ANKFN1: variants seen among roughly 807,000 people sequenced by gnomAD.
The protein encoded by ANKFN1 is ankyrin repeat and fibronectin type-III domain-containing protein 1.
Under a neutral mutation model 108.7 loss-of-function variants are expected in ANKFN1, and 74 were observed. The ratio of observed to expected loss-of-function variants is 0.68; its 90% CI spans 0.56 to 0.83. The LOEUF is 0.83. Ranked by LOEUF, ANKFN1 falls within the 40% of genes least tolerant of loss-of-function variation. The pLI is 0.00. For missense variants in ANKFN1, 1,505 were observed against 1,382.3 expected, an observed-to-expected ratio of 1.09 and a Z score of -1.41; for synonymous variants, 547 against 516.2, an observed-to-expected ratio of 1.06 and a Z score of -0.81.
intron 3 of ANKFN1, among the ~76,000 whole-genome samples, chr17:56,309,774 A>G (rs1371021271): frequency 6.6e-6 from 1 of 152,232 alleles, no homozygotes; most frequent in Middle Eastern, 3.2e-3. Context: ...TAACAACAAT[A>G]ACTAATAATA....
chr17:56,495,285 T>C (rs147694007), intron 19 of ANKFN1, among the ~76,000 whole-genome samples: 1 of 151,880 alleles, frequency 6.6e-6, no homozygotes, highest in East Asian at 1.9e-4. Flanking sequence ...CAATTCAATA[T>C]CATCTCTCCC....
intron 4 of ANKFN1, among the ~76,000 whole-genome samples, chr17:56,121,676 T>G (rs1449298593): frequency 2.0e-5 from 3 of 152,034 alleles, no homozygotes; most frequent in Admixed American, 2.0e-4. Flanking sequence ...GGTTGGTAGG[T>G]TGGACAGTTG....
chr17:56,508,632 G>A (rs2145486803), intron 20 of ANKFN1, among the ~76,000 whole-genome samples: 1 of 152,302 alleles, frequency 6.6e-6, no homozygotes, highest in East Asian at 1.9e-4. Flanking sequence ...ACATAGAGAT[G>A]AATGAATGGA....
At chr17:56,490,461 T>C (rs2050999681) in intron 18 of ANKFN1, among the ~76,000 whole-genome samples, 2 of 152,060 alleles carry the variant, frequency 1.3e-5, no homozygotes, top group South Asian at 4.2e-4. Flanking sequence ...AAGCTTAGGG[T>C]TGATGAGGAA....
At chr17:56,416,714 C>A (rs560670852) in intron 8 of ANKFN1, among the ~76,000 whole-genome samples, 1 of 152,288 alleles carries the variant, frequency 6.6e-6, no homozygotes, top group African/African-American at 2.4e-5. Context: ...GATATATACA[C>A]AAAAGAAAGA....
Position 56,511,029 on chromosome 17 carries a change from C to T in ANKFN1, c.3201C>T (p.Ala1067=). 1 of 1,536,000 alleles carries T rather than the reference C, an allele frequency of 6.5e-7. No individual in the cohort carries two copies. Among genetic ancestry groups the T allele is most frequent in the South Asian group, 1.2e-5 (1 of 84,048 alleles). ...ATGATCCCAGGGGCCTAACTCTGGCCCACGCTGCCAGCCTTCCTGAGGAGC... is the reference window on the plus strand; with the variant it reads ...ATGATCCCAGGGGCCTAACTCTGGCTCACGCTGCCAGCCTTCCTGAGGAGC... ...ALDDPRGLTL[A]HAASLPEERN... is the part of the protein sequence containing the mutation. The change falls in exon 21 of 21, where the codon GCC becomes GCT. Residue 1067 remains alanine, a synonymous_variant. Coordinates refer to ENST00000682825, the MANE Select transcript of ANKFN1 (RefSeq NM_001370326.1).
chr17:56,099,768 G>A (rs969939936), intron 4 of ANKFN1, among the ~76,000 whole-genome samples: 1 of 152,184 alleles, frequency 6.6e-6, no homozygotes, highest in South Asian at 2.1e-4. Flanking sequence ...CTGCATGGCC[G>A]GAGGGTAGGG....
chr17:56,464,916 G>T (rs1438404002), intron 14 of ANKFN1, among the ~76,000 whole-genome samples: 1 of 152,120 alleles, frequency 6.6e-6, no homozygotes, highest in African/African-American at 2.4e-5. Flanking sequence ...ATAAGTAAAG[G>T]TTTAATAGCA....
chr17:56,435,678 A>C (rs910656621), intron 8 of ANKFN1, among the ~76,000 whole-genome samples: 24 of 152,198 alleles, frequency 1.6e-4, no homozygotes, highest in African/African-American at 5.8e-4. Flanking sequence ...TGAACAGGAT[A>C]AAACAACTCT....
intron 1 of ANKFN1, among the ~76,000 whole-genome samples, chr17:56,153,922 C>A (rs375543107): frequency 6.6e-6 from 1 of 152,218 alleles, no homozygotes; most frequent in South Asian, 2.1e-4. Context: ...ACTGTTCACA[C>A]GCTCTCACTG....
At chr17:56,260,449 C>T (rs779549301) in intron 3 of ANKFN1, among the ~76,000 whole-genome samples, 13 of 151,682 alleles carry the variant, frequency 8.6e-5, no homozygotes, top group Non-Finnish European at 1.8e-4. Context: ...CACTTTGCAC[C>T]GCCTTTGGCA....
chr17:56,286,579 G>A lies in ANKFN1; in HGVS notation c.54-39642G>A, dbSNP rs4794629. Among the ~76,000 whole-genome samples, 752 of 152,236 alleles carry A rather than the reference G, an allele frequency of 4.9e-3. 2 individuals carry two copies. Among genetic ancestry groups the A allele is most frequent in the Non-Finnish European group, 8.4e-3 (570 of 68,030 alleles). On this transcript the variant is annotated intron_variant, in intron 3 of 20. Coordinates refer to ENST00000682825, the MANE Select transcript of ANKFN1 (RefSeq NM_001370326.1). Reference sequence around the variant, plus strand: ...ACACCCATACATGGCCTCTCCATGTGACTGGGGCTTCCTTACAACATGGCG... The same window carrying A: ...ACACCCATACATGGCCTCTCCATGTAACTGGGGCTTCCTTACAACATGGCG...
intron 3 of ANKFN1, among the ~76,000 whole-genome samples, chr17:56,276,731 C>T (rs1463537032): frequency 1.3e-5 from 2 of 151,990 alleles, no homozygotes; most frequent in African/African-American, 4.8e-5. Flanking sequence ...TGTTTAAGTT[C>T]TTTGTAGATT....
chr17:56,255,701 C>T (rs1210676964), intron 3 of ANKFN1, among the ~76,000 whole-genome samples: 2 of 152,166 alleles, frequency 1.3e-5, no homozygotes, highest in Admixed American at 6.5e-5. Flanking sequence ...TTTCACTGGG[C>T]TATTATATAT....
chr17:56,110,258 G>C (rs1905882289), intron 4 of ANKFN1, among the ~76,000 whole-genome samples: 1 of 151,924 alleles, frequency 6.6e-6, no homozygotes, highest in Admixed American at 6.6e-5. Flanking sequence ...TCTAGCTCAG[G>C]GTCTTTTATT....
intron 6 of ANKFN1, 72 bp from the exon 7 acceptor site, chr17:56,372,573 TG>T: frequency 7.7e-7 from 1 of 1,295,670 alleles, no homozygotes; most frequent in Non-Finnish European, 1.1e-6. Flanking sequence ...TAGTAAACTC[TG>T]GGATATATCC....
intron 3 of ANKFN1, among the ~76,000 whole-genome samples, chr17:56,298,856 G>A (rs927992885): frequency 1.3e-5 from 2 of 152,176 alleles, no homozygotes; most frequent in Non-Finnish European, 2.9e-5. Flanking sequence ...CATTTACAAA[G>A]TAAGCAGATA....
intron 8 of ANKFN1, among the ~76,000 whole-genome samples, chr17:56,422,474 C>T (rs940193414): frequency 2.6e-5 from 4 of 151,174 alleles, no homozygotes; most frequent in Non-Finnish European, 4.4e-5. Flanking sequence ...CACACACGCA[C>T]GCATGCACAC....
At chr17:56,399,181 T>C (rs759949468) in intron 8 of ANKFN1, among the ~76,000 whole-genome samples, 7 of 152,154 alleles carry the variant, frequency 4.6e-5, no homozygotes, top group Non-Finnish European at 1.0e-4. Flanking sequence ...TATCATGCCA[T>C]AGTTAACACA....
Sources: allele counts gnomAD v4.1 joint callset (sites outside exome capture counted in the v4.1 genomes callset), GRCh38; gene constraint gnomAD v4.1.1; transcripts MANE v1.5; gene names NCBI Gene and HGNC (gene_info 2026-07-23, HGNC 2026-07-21).